SDHB: variants seen among roughly 807,000 people sequenced by gnomAD.
SDHB encodes the protein succinate dehydrogenase [ubiquinone] iron-sulfur subunit, mitochondrial.
Under a neutral mutation model 39.7 loss-of-function variants are expected in SDHB, and 21 were observed. That is an observed-to-expected ratio of 0.53 (90% CI 0.37 to 0.76). The LOEUF is 0.76. Among genes scored for constraint, SDHB ranks in the 30% least tolerant of loss-of-function variants. The pLI, the probability that SDHB is intolerant of heterozygous loss-of-function variation, is 0.00. For synonymous variants in SDHB, 118 were observed against 117.0 expected, an observed-to-expected ratio of 1.01 and a Z score of -0.06; for missense variants, 343 against 350.9, an observed-to-expected ratio of 0.98 and a Z score of 0.18.
At chr1:17,034,273 A>AG (rs1029661798) in intron 2 of SDHB, among the ~76,000 whole-genome samples, 2 of 151,546 alleles carry the variant, frequency 1.3e-5, no homozygotes, top group African/African-American at 4.9e-5. Context: ...TCAGCCCCCC[A>AG]GTAGCTGGGA....
At chr1:17,036,955 G>A (rs970562498) in intron 2 of SDHB, among the ~76,000 whole-genome samples, 13 of 151,728 alleles carry the variant, frequency 8.6e-5, no homozygotes, top group African/African-American at 3.1e-4. Flanking sequence ...ACCATGCCTA[G>A]CCTAGAAAAA....
intron 5 of SDHB, among the ~76,000 whole-genome samples, chr1:17,027,499 A>G (rs1407267800): frequency 1.3e-5 from 2 of 152,244 alleles, no homozygotes; most frequent in African/African-American, 2.4e-5. Context: ...AAGATGGAGT[A>G]GCCACACAGC....
intron 6 of SDHB, chr1:17,022,997 AT>A (rs1450843616): frequency 2.4e-6 from 1 of 418,348 alleles, no homozygotes; most frequent in African/African-American, 2.0e-5. Flanking sequence ...TCATCTCCTA[AT>A]TATTTCACAT....
At chr1:17,045,788 C>T (rs2101542750) in intron 1 of SDHB, among the ~76,000 whole-genome samples, 1 of 152,278 alleles carries the variant, frequency 6.6e-6, no homozygotes, top group South Asian at 2.1e-4. Flanking sequence ...ACTACAGCCT[C>T]TGATTCGTCT....
chr1:17,049,567 G>A lies in SDHB; in HGVS notation c.72+4381C>T, dbSNP rs1462317863. ...CTGCCTCAGCGTTCCAAAGTGTTGG[G>A]ATTACAGGTGTGAGCAACCGCGCCT... On this transcript the variant is annotated intron_variant, in intron 1 of 7. Coordinates refer to ENST00000375499, the MANE Select transcript of SDHB (RefSeq NM_003000.3). Among the ~76,000 whole-genome samples, 7 of 148,870 alleles carry A rather than the reference G, an allele frequency of 4.7e-5. No individual in the cohort carries two copies. The South Asian group carries it at 1.5e-3, about 32-fold the overall frequency.
chr1:17,044,080 AT>A (rs34472779), intron 2 of SDHB, among the ~76,000 whole-genome samples: 63,965 of 151,964 alleles, frequency 0.42, 15,113 homozygotes, highest in Non-Finnish European at 0.54. Flanking sequence ...AATTTTTAAC[AT>A]TTTAACCACA....
Position 17,018,958 on chromosome 1 carries a change from C to A in SDHB, c.766G>T (p.Gly256Cys). 6.2e-7 allele frequency: 1 copy of A among 1,607,036 alleles called. No individual in the cohort carries two copies. The highest frequency in any genetic ancestry group is 1.1e-5 in the South Asian group (1 of 90,938). ...GCAATAGCTTTCCCTGGATTCAGAC[C>A]CTTGAAAAAAGAGAAAAGAATCAAT... Reference protein sequence around the residue: ...IMNCTRTCPKGLNPGKAIAEI... With the variant: ...IMNCTRTCPKCLNPGKAIAEI... Residue 256 changes from glycine (G) to cysteine (C), a missense_variant and splice_region_variant, in exon 8 of 8, where the codon GGT (glycine) becomes TGT (cysteine). Transcript: ENST00000375499.
chr1:17,022,481 G>A, intron 7 of SDHB, 127 bp downstream of exon 7: 1 of 1,296,930 alleles, frequency 7.7e-7, no homozygotes, highest in Non-Finnish European at 1.1e-6. Flanking sequence ...GAAAGGACAG[G>A]CATATGCTGG....
At chr1:17,041,360 T>C (rs2078078860) in intron 2 of SDHB, among the ~76,000 whole-genome samples, 2 of 152,120 alleles carry the variant, frequency 1.3e-5, no homozygotes, top group African/African-American at 4.8e-5. Context: ...CCTTTATCTA[T>C]GAGGAAATTT....
At chr1:17,047,819 C>A (rs1557747603) in intron 1 of SDHB, among the ~76,000 whole-genome samples, 5 of 152,258 alleles carry the variant, frequency 3.3e-5, no homozygotes, top group South Asian at 2.1e-4. Flanking sequence ...GGACTACAGG[C>A]ATGCGCCACC....
chr1:17,021,434 CCT>C (rs1284807132), intron 7 of SDHB, among the ~76,000 whole-genome samples: 1 of 151,896 alleles, frequency 6.6e-6, no homozygotes, highest in Middle Eastern at 3.4e-3. Context: ...ACAGTGAGAC[CCT>C]GTCTTTTAAA....
chr1:17,019,458 G>C (rs2077949019), intron 7 of SDHB, among the ~76,000 whole-genome samples: 1 of 152,156 alleles, frequency 6.6e-6, no homozygotes, highest in Admixed American at 6.5e-5. Context: ...AATACCATTG[G>C]TATTAGCTGC....
intron 2 of SDHB, 85 bp from the exon 3 acceptor site, chr1:17,033,230 G>T: frequency 9.4e-7 from 1 of 1,065,306 alleles, no homozygotes; most frequent in Non-Finnish European, 1.4e-6. Context: ...ACACCTGGAT[G>T]TATTAGCTTA....
chr1:17,037,053 T>G (rs1399574190), intron 2 of SDHB, among the ~76,000 whole-genome samples: 2 of 152,030 alleles, frequency 1.3e-5, no homozygotes, highest in Non-Finnish European at 2.9e-5. Flanking sequence ...TAGCTATTTT[T>G]TGTGTGTGTA....
intron 1 of SDHB, among the ~76,000 whole-genome samples, chr1:17,051,827 A>G (rs1189349798): frequency 6.6e-6 from 1 of 151,346 alleles, no homozygotes; most frequent in African/African-American, 2.4e-5. Flanking sequence ...AAGGAACAAG[A>G]TGCACATTTT....
At position 17,022,657 on chromosome 1, in the gene SDHB, G is replaced by T. The variant is rs201098090; in HGVS notation, c.716C>A (p.Ser239Tyr). Residue 239 changes from serine (S) to tyrosine (Y), a missense_variant, in exon 7 of 8, where the codon TCT becomes TAT. By Grantham distance (144) the Ser-to-Tyr change is moderately radical. Transcript: ENST00000375499. ...ERLAKLQDPF[S>Y]LYRCHTIMNC... Reference sequence around the variant, plus strand: ...CATGATGGTGTGGCAGCGGTATAGAGAGAATGGGTCCTGCAGCTTGGCCAG... The same window carrying T: ...CATGATGGTGTGGCAGCGGTATAGATAGAATGGGTCCTGCAGCTTGGCCAG... The T allele has an allele frequency of 6.2e-7, 1 of 1,614,100 alleles. No homozygotes were observed. Among genetic ancestry groups the T allele is most frequent in the African/African-American group, 1.3e-5 (1 of 75,038 alleles).
intron 2 of SDHB, among the ~76,000 whole-genome samples, chr1:17,042,694 C>T (rs1433537682): frequency 2.0e-5 from 3 of 151,956 alleles, no homozygotes; most frequent in Non-Finnish European, 4.4e-5. Flanking sequence ...AGGTGGATTG[C>T]TTGAGCCTGG....
chr1:17,049,208 A>C (rs2078130781), intron 1 of SDHB, among the ~76,000 whole-genome samples: 1 of 151,940 alleles, frequency 6.6e-6, no homozygotes, highest in African/African-American at 2.4e-5. Context: ...CTAAGCTGGT[A>C]TGGAATTTCT....
Position 17,047,720 on chromosome 1 carries a change from C to T in SDHB, c.73-2832G>A, listed in dbSNP as rs545377000. ...AAAGAGAGAGAGTTTTGCTCTGTCA[C>T]TGATTGTGCAGTGGCATGATCACAG... On this transcript the variant is annotated intron_variant, in intron 1 of 7. Coordinates refer to ENST00000375499, the MANE Select transcript of SDHB (RefSeq NM_003000.3). 7.6e-4 allele frequency among the ~76,000 whole-genome samples: 116 copies of T among 151,684 alleles called. 1 individual carries two copies. Among genetic ancestry groups the T allele is most frequent in the African/African-American group, 2.8e-3 (115 of 41,414 alleles).
Sources: gnomAD v4.1 joint callset for allele counts (sites outside exome capture counted in the v4.1 genomes callset) on GRCh38, gnomAD v4.1.1 for gene constraint, MANE v1.5 for transcripts, NCBI Gene and HGNC (gene_info 2026-07-23, HGNC 2026-07-21) for gene names.